The following UHRF2 variants were observed in gnomAD, a reference collection of about 807,000 sequenced individuals.
UHRF2 encodes E3 ubiquitin-protein ligase UHRF2.
UHRF2 carries 23 observed loss-of-function variants against 96.8 expected under a neutral mutation model. The observed-to-expected ratio is 0.24, with a 90% CI of 0.17 to 0.34. UHRF2 has a LOEUF of 0.34. Ranked by LOEUF, UHRF2 falls within the 10% of genes least tolerant of loss-of-function variation. The probability of loss-of-function intolerance (pLI) is 1.00; values close to 1 mark genes in which losing one functional copy is unlikely to be tolerated. For missense variants in UHRF2, 685 were observed against 981.5 expected, an observed-to-expected ratio of 0.70 and a Z score of 4.04; for synonymous variants, 385 against 332.6, an observed-to-expected ratio of 1.16 and a Z score of -1.72.
At chr9:6,444,557 C>T (rs1821374727) in intron 3 of UHRF2, among the ~76,000 whole-genome samples, 1 of 152,222 alleles carries the variant, frequency 6.6e-6, no homozygotes, top group Non-Finnish European at 1.5e-5. Context: ...GACCCTCTCT[C>T]TCCCTGCTTC....
intron 6 of UHRF2, among the ~76,000 whole-genome samples, chr9:6,479,306 G>T (rs1823782712): frequency 6.6e-6 from 1 of 152,010 alleles, no homozygotes; most frequent in Non-Finnish European, 1.5e-5. Flanking sequence ...TAAACCTAAG[G>T]GTCAGTTCTC....
chr9:6,504,741 A>C, intron 15 of UHRF2, 50 bp downstream of exon 15: 1 of 1,421,702 alleles, frequency 7.0e-7, no homozygotes, highest in Non-Finnish European at 9.8e-7. Flanking sequence ...AAGGCACACT[A>C]ATTTCTATAC....
rs766610687 is a variant in UHRF2 at position 6,504,629 on chromosome 9, G to A, written c.2200G>A (p.Val734Ile). Residue 734 changes from valine to isoleucine, a missense_variant, in exon 15 of 16, where the codon GTT (valine) becomes ATT (isoleucine). Val to Ile is a conservative substitution (Grantham distance 29). Transcript: ENST00000276893. Reference sequence around the variant, plus strand: ...AAAATTGGAACAATCTTTTATGTGCGTTTGCTGTCAGGAGCTAGTTTACCA... The same window carrying A: ...AAAATTGGAACAATCTTTTATGTGCATTTGCTGTCAGGAGCTAGTTTACCA... ...LKKLEQSFMC[V>I]CCQELVYQPV... 6 of 1,613,600 alleles carry A rather than the reference G, an allele frequency of 3.7e-6. No homozygotes were observed. The highest frequency in any genetic ancestry group is 2.2e-5 in the East Asian group (1 of 44,840).
At chr9:6,504,739 C>T in intron 15 of UHRF2, 48 bp downstream of exon 15, 3 of 1,450,558 alleles carry the variant, frequency 2.1e-6, no homozygotes, top group Non-Finnish European at 2.9e-6. Context: ...TGAAGGCACA[C>T]TAATTTCTAT....
chr9:6,468,823 T>C, intron 4 of UHRF2: 1 of 386,110 alleles, frequency 2.6e-6, no homozygotes, highest in South Asian at 1.9e-5. Context: ...GGCTAAGGCA[T>C]ACAGGTAGAC....
At chr9:6,448,484 G>GT (rs1379001691) in intron 3 of UHRF2, among the ~76,000 whole-genome samples, 1 of 152,192 alleles carries the variant, frequency 6.6e-6, no homozygotes, top group African/African-American at 2.4e-5. Flanking sequence ...AAACGTCTCT[G>GT]TTTTTATTAC....
chr9:6,467,353 C>T (rs773448058), intron 4 of UHRF2, among the ~76,000 whole-genome samples: 4 of 152,242 alleles, frequency 2.6e-5, no homozygotes, highest in East Asian at 3.9e-4. Flanking sequence ...ATTGGATCTG[C>T]GTGGATAATC....
At chr9:6,427,918 A>T (rs1820349726) in intron 2 of UHRF2, among the ~76,000 whole-genome samples, 2 of 152,172 alleles carry the variant, frequency 1.3e-5, no homozygotes, top group Non-Finnish European at 2.9e-5. Flanking sequence ...CTAGATTGGG[A>T]ACTAATTTTC....
intron 14 of UHRF2, among the ~76,000 whole-genome samples, chr9:6,501,099 T>C (rs1017085314): frequency 2.0e-5 from 3 of 152,246 alleles, no homozygotes; most frequent in Non-Finnish European, 4.4e-5. Flanking sequence ...CATGTTAAAC[T>C]AAGTGGTAAA....
intron 15 of UHRF2, among the ~76,000 whole-genome samples, chr9:6,505,006 G>A (rs1348906255): frequency 6.6e-6 from 1 of 152,042 alleles, no homozygotes; most frequent in Admixed American, 6.5e-5. Flanking sequence ...AGCGCAAACT[G>A]GAGTGTTTTC....
At chr9:6,450,514 T>C (rs977076665) in intron 3 of UHRF2, among the ~76,000 whole-genome samples, 5 of 152,202 alleles carry the variant, frequency 3.3e-5, no homozygotes, top group African/African-American at 1.2e-4. Context: ...ACCTATGGCA[T>C]GGTATCCCAT....
At chr9:6,493,730 CAT>C in intron 9 of UHRF2, 94 bp from the exon 10 acceptor site, 1 of 1,073,648 alleles carries the variant, frequency 9.3e-7, no homozygotes, top group South Asian at 1.7e-5. Flanking sequence ...AATGTCAACT[CAT>C]AACATCCTAA....
At chr9:6,477,876 C>A in intron 6 of UHRF2, 68 bp downstream of exon 6, 1 of 1,353,386 alleles carries the variant, frequency 7.4e-7, no homozygotes, top group South Asian at 1.5e-5. Flanking sequence ...TTTGAACCAC[C>A]AAAAGTAGAT....
At chr9:6,438,325 A>C (rs1454465798) in intron 3 of UHRF2, among the ~76,000 whole-genome samples, 1 of 152,202 alleles carries the variant, frequency 6.6e-6, no homozygotes, top group Admixed American at 6.5e-5. Context: ...ATGCACTGCA[A>C]AGAGAATCTA....
intron 1 of UHRF2, chr9:6,415,585 T>C (rs1296450698): frequency 6.6e-6 from 1 of 152,186 alleles, no homozygotes; most frequent in African/African-American, 2.4e-5. Context: ...CATGTCCTCA[T>C]TGGAAAAAGG....
chr9:6,424,395 G>A (rs1563743972), intron 2 of UHRF2, among the ~76,000 whole-genome samples: 1 of 152,046 alleles, frequency 6.6e-6, no homozygotes, highest in Non-Finnish European at 1.5e-5. Flanking sequence ...AGAATTTTTA[G>A]CACTGAAAGC....
rs758486614 is a variant in UHRF2, at chr9:6,420,943, A to G, written c.185A>G (p.Asp62Gly). 1.2e-6 allele frequency: 2 copies of G among 1,613,996 alleles called. No homozygotes were observed. Among genetic ancestry groups the G allele is most frequent in the Non-Finnish European group, 1.7e-6 (2 of 1,179,946 alleles). The change falls in exon 2 of 16, where the codon GAT becomes GGT. Residue 62 changes from aspartate (D) to glycine (G), a missense_variant. Asp to Gly is a moderately conservative substitution (Grantham distance 94). This residue lies in a region of UHRF2 where 391 missense variants were observed against 437.0 expected (regional missense o/e 0.89). Coordinates refer to ENST00000276893, the MANE Select transcript of UHRF2 (RefSeq NM_152896.3). ...AATGGATATACCTTATTTGATTATGATGTTGGACTGAATGATATAATTCAG... is the reference window on the plus strand; with the variant it reads ...AATGGATATACCTTATTTGATTATGGTGTTGGACTGAATGATATAATTCAG... ...LENGYTLFDY[D>G]VGLNDIIQLL...
intron 1 of UHRF2, among the ~76,000 whole-genome samples, chr9:6,419,639 A>T (rs564564899): frequency 6.6e-6 from 1 of 152,260 alleles, no homozygotes; most frequent in East Asian, 1.9e-4. Flanking sequence ...AAGTTGATTC[A>T]AGCACTGATT....
At chr9:6,452,877 A>G (rs1394007593) in intron 3 of UHRF2, among the ~76,000 whole-genome samples, 3 of 152,182 alleles carry the variant, frequency 2.0e-5, no homozygotes, top group Non-Finnish European at 2.9e-5. Flanking sequence ...TTGTCACTGT[A>G]TATTTTAAAA....
Sources: gnomAD v4.1 joint callset for allele counts (sites outside exome capture counted in the v4.1 genomes callset) on GRCh38, gnomAD v4.1.1 for gene constraint, gnomAD v4.1.1 regional missense constraint, MANE v1.5 for transcripts, NCBI Gene and HGNC (gene_info 2026-07-23, HGNC 2026-07-21) for gene names.